The following PTPRT variants were observed in gnomAD, a reference collection of about 807,000 sequenced individuals.
The protein encoded by PTPRT is protein tyrosine phosphatase receptor type T, also known as receptor-type tyrosine-protein phosphatase T.
PTPRT carries 56 observed loss-of-function variants against 176.8 expected under a neutral mutation model. The observed-to-expected ratio is 0.32, with a 90% CI of 0.26 to 0.40. The LOEUF is 0.40. Ranked by LOEUF, PTPRT falls within the 10% of genes least tolerant of loss-of-function variation. PTPRT has a pLI of 1.00. For synonymous variants in PTPRT, 783 were observed against 739.0 expected, an observed-to-expected ratio of 1.06 and a Z score of -0.96; for missense variants, 1,540 against 1,908.2, an observed-to-expected ratio of 0.81 and a Z score of 3.60.
intron 1 of PTPRT, among the ~76,000 whole-genome samples, chr20:42,987,527 C>T (rs942395351): frequency 2.6e-5 from 4 of 152,288 alleles, no homozygotes; most frequent in African/African-American, 9.6e-5. Flanking sequence ...TTCCCAGCCT[C>T]TTCTGGTGGA....
intron 11 of PTPRT, among the ~76,000 whole-genome samples, chr20:42,334,817 CTCCA>C (rs1396439489): frequency 6.6e-6 from 1 of 152,162 alleles, no homozygotes; most frequent in Non-Finnish European, 1.5e-5. Flanking sequence ...ATAATAATGC[CTCCA>C]TCATTTGTTA....
At chr20:43,159,285 T>C in intron 1 of PTPRT, among the ~76,000 whole-genome samples, 1 of 152,208 alleles carries the variant, frequency 6.6e-6, no homozygotes, top group Non-Finnish European at 1.5e-5. Flanking sequence ...GATACTACTT[T>C]CTAGCTTTGG....
At chr20:42,422,667 A>T (rs1444128425) in intron 9 of PTPRT, among the ~76,000 whole-genome samples, 2 of 152,226 alleles carry the variant, frequency 1.3e-5, no homozygotes, top group Non-Finnish European at 2.9e-5. Flanking sequence ...AAAGACAGAA[A>T]TACCATTCGA....
chr20:43,134,487 T>C (rs1298015904), intron 1 of PTPRT, among the ~76,000 whole-genome samples: 1 of 152,180 alleles, frequency 6.6e-6, no homozygotes, highest in Non-Finnish European at 1.5e-5. Context: ...GAATTCCCCT[T>C]ACCCCTCATG....
rs563951651 is a variant in PTPRT at position 42,928,855 on chromosome 20, A to T, written c.89-42923T>A. Among the ~76,000 whole-genome samples, 7 of 152,332 alleles carry T rather than the reference A, an allele frequency of 4.6e-5. No homozygotes were observed. In the South Asian group the frequency reaches 1.5e-3, roughly 32 times the overall value. ...CTGTCCCCAATTGCTTCAATGCAAAAGAGAAGGACATTCCCTCCAAGTACT... is the reference window on the plus strand; with the variant it reads ...CTGTCCCCAATTGCTTCAATGCAAATGAGAAGGACATTCCCTCCAAGTACT... On this transcript the variant is annotated intron_variant, in intron 1 of 30. Coordinates refer to ENST00000373187, the MANE Select transcript of PTPRT (RefSeq NM_007050.6).
chr20:42,702,411 C>T (rs1451879313), intron 6 of PTPRT, among the ~76,000 whole-genome samples: 2 of 152,196 alleles, frequency 1.3e-5, no homozygotes, highest in Non-Finnish European at 2.9e-5. Context: ...CAAACCACAA[C>T]CTTGCTGCAG....
At chr20:42,272,781 CT>C (rs2056961080) in intron 13 of PTPRT, among the ~76,000 whole-genome samples, 1 of 152,120 alleles carries the variant, frequency 6.6e-6, no homozygotes, top group Non-Finnish European at 1.5e-5. Context: ...TGGGTGGCCC[CT>C]GATCACTCCT....
chr20:42,348,368 TC>T lies in PTPRT; in HGVS notation c.1865+2259del, dbSNP rs1430312324. On this transcript the variant is annotated intron_variant, in intron 11 of 30. Coordinates refer to ENST00000373187, the MANE Select transcript of PTPRT (RefSeq NM_007050.6). ...CATTTCCCCTTTGAGCAGTGACATT[TC>T]TTTTATTTATTTATTTATTTATTTA... Among the ~76,000 whole-genome samples, 40 of 142,378 alleles carry T rather than the reference TC, an allele frequency of 2.8e-4. 2 individuals carry two copies. The East Asian group carries it at 2.9e-3, about 10-fold the overall frequency. The allele number at this position is 142,378 out of a possible 152,430, so 93.4% of individuals were successfully genotyped here.
chr20:43,049,953 T>C (rs1360098105), intron 1 of PTPRT, among the ~76,000 whole-genome samples: 1 of 152,190 alleles, frequency 6.6e-6, no homozygotes, highest in East Asian at 1.9e-4. Flanking sequence ...CCTGAGCTGC[T>C]GGGGTACTAT....
At chr20:42,722,707 C>A (rs1468794320) in intron 6 of PTPRT, among the ~76,000 whole-genome samples, 2 of 152,174 alleles carry the variant, frequency 1.3e-5, no homozygotes, top group African/African-American at 4.8e-5. Context: ...CCACACTATC[C>A]CACATGGTTG....
chr20:42,289,035 C>A (rs1195947167), intron 12 of PTPRT, among the ~76,000 whole-genome samples: 2 of 151,820 alleles, frequency 1.3e-5, no homozygotes, highest in Non-Finnish European at 2.9e-5. Flanking sequence ...GAAAGGACAC[C>A]CGATTCAAAA....
chr20:42,238,206 T>C (rs1383876752), intron 14 of PTPRT, among the ~76,000 whole-genome samples: 1 of 152,118 alleles, frequency 6.6e-6, no homozygotes, highest in African/African-American at 2.4e-5. Context: ...AGCCCAGAGC[T>C]GCATCACTCC....
chr20:42,110,268 T>G (rs1355149575), intron 23 of PTPRT, 65 bp downstream of exon 23: 1 of 1,470,462 alleles, frequency 6.8e-7, no homozygotes, highest in Non-Finnish European at 9.2e-7. Flanking sequence ...GCCAGGCTGG[T>G]CTCGAACTCC....
At chr20:42,616,425 T>G (rs1399609719) in intron 7 of PTPRT, among the ~76,000 whole-genome samples, 1 of 124,252 alleles carries the variant, frequency 8.0e-6, no homozygotes, top group Non-Finnish European at 1.7e-5. Context: ...ATGCGGGCTC[T>G]TTTTTGGTTC....
chr20:42,209,098 T>C (rs922107510), intron 15 of PTPRT, among the ~76,000 whole-genome samples: 2 of 152,052 alleles, frequency 1.3e-5, no homozygotes, highest in African/African-American at 2.4e-5. Context: ...TTGAAACCAA[T>C]GAGAACAAAG....
chr20:42,242,315 C>T (rs891436139), intron 14 of PTPRT, among the ~76,000 whole-genome samples: 15 of 152,186 alleles, frequency 9.9e-5, no homozygotes, highest in African/African-American at 3.4e-4. Context: ...TTGATCTGTT[C>T]TAATTCCACT....
intron 9 of PTPRT, among the ~76,000 whole-genome samples, chr20:42,427,415 A>G (rs1349979178): frequency 6.6e-6 from 1 of 152,232 alleles, no homozygotes; most frequent in Non-Finnish European, 1.5e-5. Context: ...CTTATAAACA[A>G]CAGCAATTTA....
At chr20:42,280,222 C>T (rs1393496945) in intron 13 of PTPRT, among the ~76,000 whole-genome samples, 1 of 152,100 alleles carries the variant, frequency 6.6e-6, no homozygotes, top group African/African-American at 2.4e-5. Flanking sequence ...TAGGGTTTGC[C>T]TTTAATCAAC....
At chr20:42,633,934 TA>T (rs1459560382) in intron 7 of PTPRT, among the ~76,000 whole-genome samples, 2 of 33,052 alleles carry the variant, frequency 6.1e-5, no homozygotes, top group Admixed American at 5.1e-4. Context: ...TATATTATAA[TA>T]ATATAATATA....
Sources: gnomAD v4.1 joint callset for allele counts (sites outside exome capture counted in the v4.1 genomes callset) on GRCh38, gnomAD v4.1.1 for gene constraint, MANE v1.5 for transcripts, NCBI Gene and HGNC (gene_info 2026-07-23, HGNC 2026-07-21) for gene names.